ARHGEF38: variants seen among roughly 807,000 people sequenced by gnomAD.
ARHGEF38 encodes the protein Rho guanine nucleotide exchange factor 38, also known as Rho guanine nucleotide exchange factor (GEF) 38.
A neutral mutation model predicts 79.9 loss-of-function variants in ARHGEF38; 79 were observed. That is an observed-to-expected ratio of 0.99 (90% confidence interval 0.82 to 1.19). The LOEUF (loss-of-function observed/expected upper bound fraction) is 1.19, where lower values mean the gene tolerates loss of function less well. Among genes scored for constraint, ARHGEF38 ranks in the 50% most tolerant of loss-of-function variants. The pLI, the probability that ARHGEF38 is intolerant of heterozygous loss-of-function variation, is 0.00. For synonymous variants in ARHGEF38, 366 were observed against 328.3 expected (o/e 1.11, Z -1.24); for missense variants, 962 against 907.2 (o/e 1.06, Z -0.78).
intron 1 of ARHGEF38, among the ~76,000 whole-genome samples, chr4:105,571,076 A>G (rs1207974883): frequency 6.6e-6 from 1 of 152,168 alleles, no homozygotes; most frequent in Non-Finnish European, 1.5e-5. Flanking sequence ...GAAAGATGAA[A>G]ACATTCTGGA....
intron 7 of ARHGEF38, among the ~76,000 whole-genome samples, chr4:105,653,203 A>G (rs550481538): frequency 6.6e-6 from 1 of 151,590 alleles, no homozygotes; most frequent in African/African-American, 2.4e-5. Flanking sequence ...TAAGATGACA[A>G]AAAAAACTGA....
chr4:105,567,599 G>T (rs963871812), intron 1 of ARHGEF38, among the ~76,000 whole-genome samples: 7 of 152,106 alleles, frequency 4.6e-5, no homozygotes, highest in Admixed American at 1.3e-4. Flanking sequence ...ATTTAAGGGA[G>T]ATAATGGAAA....
chr4:105,653,753 T>C lies in ARHGEF38; in HGVS notation c.1009-312T>C, dbSNP rs144480098. On this transcript the variant is annotated intron_variant, in intron 7 of 13. Transcript: ENST00000420470. ...AAAAATGTAATATGGTTTGCGTACA[T>C]ACATAATATATGCCATTAAAAACTA... 2.4e-3 allele frequency among the ~76,000 whole-genome samples: 362 copies of C among 152,358 alleles called. 2 individuals carry two copies. Among genetic ancestry groups the C allele is most frequent in the African/African-American group, 8.4e-3 (351 of 41,580 alleles).
At chr4:105,599,134 T>G (rs1043830573) in intron 2 of ARHGEF38, among the ~76,000 whole-genome samples, 1 of 152,188 alleles carries the variant, frequency 6.6e-6, no homozygotes, top group Non-Finnish European at 1.5e-5. Flanking sequence ...AATTTTCTTT[T>G]TATGGGAAGG....
intron 2 of ARHGEF38, among the ~76,000 whole-genome samples, chr4:105,592,818 A>G (rs1302064999): frequency 1.3e-5 from 2 of 152,138 alleles, no homozygotes; most frequent in Non-Finnish European, 2.9e-5. Context: ...CCAACACCAA[A>G]TCTACCAACT....
intron 1 of ARHGEF38, among the ~76,000 whole-genome samples, chr4:105,588,496 T>G (rs1047538397): frequency 6.6e-6 from 1 of 152,238 alleles, no homozygotes; most frequent in Admixed American, 6.5e-5. Context: ...TCTGGGGAGC[T>G]CGTCCTTGAA....
At chr4:105,585,726 C>CTTTTTTTCTTT (rs1727004367) in intron 1 of ARHGEF38, among the ~76,000 whole-genome samples, 1 of 71,504 alleles carries the variant, frequency 1.4e-5, no homozygotes, top group Non-Finnish European at 2.4e-5. Flanking sequence ...CCCTCCGTTG[C>CTTTTTTTCTTT]TTTTTTTTTT....
rs1731230654 is a variant in ARHGEF38, at chr4:105,679,394, A to G, written c.*1457A>G. On this transcript the variant is annotated 3_prime_UTR_variant, in exon 14 of 14. Coordinates refer to ENST00000420470, the MANE Select transcript of ARHGEF38 (RefSeq NM_001242729.2). Reference sequence around the variant, plus strand: ...ACACTCTGGTAATCTGAGACACTGCATTACTATTCAGCTTTCTAAGTTCTT... The same window carrying G: ...ACACTCTGGTAATCTGAGACACTGCGTTACTATTCAGCTTTCTAAGTTCTT... The G allele has an allele frequency of 7.1e-7, 1 of 1,415,642 alleles. No homozygotes were observed. The highest frequency in any genetic ancestry group is 1.4e-5 in the African/African-American group (1 of 70,878). 87.7% of individuals were successfully genotyped at this position (1,415,642 alleles called of 1,614,324 possible). A position where few individuals can be genotyped will look rare whatever the true frequency, so the allele number is the denominator to read the frequency against.
chr4:105,663,607 T>C (rs1356458754), intron 10 of ARHGEF38, among the ~76,000 whole-genome samples: 1 of 152,238 alleles, frequency 6.6e-6, no homozygotes, highest in African/African-American at 2.4e-5. Context: ...GTCCTCAAGA[T>C]TCATTCGTGT....
Position 105,644,949 on chromosome 4 carries a change from G to A in ARHGEF38, c.675-239G>A, listed in dbSNP as rs569242250. 7.2e-5 allele frequency among the ~76,000 whole-genome samples: 11 copies of A among 152,236 alleles called. No homozygotes were observed. The South Asian group carries it at 2.3e-3, about 32-fold the overall frequency. On this transcript the variant is annotated intron_variant, in intron 5 of 13. Coordinates refer to ENST00000420470, the MANE Select transcript of ARHGEF38 (RefSeq NM_001242729.2). Reference sequence around the variant, plus strand: ...TACATGGCATATGGATGAAAATCATGCTTTGAGACAATTTGATGGAAAGTT... The same window carrying A: ...TACATGGCATATGGATGAAAATCATACTTTGAGACAATTTGATGGAAAGTT...
intron 4 of ARHGEF38, chr4:105,631,517 G>A (rs930912094): frequency 2.0e-6 from 2 of 985,440 alleles, no homozygotes; most frequent in African/African-American, 3.5e-5. Flanking sequence ...CCTTGTTAAA[G>A]TTAGTTTCAG....
intron 1 of ARHGEF38, among the ~76,000 whole-genome samples, chr4:105,573,850 C>A (rs937172268): frequency 6.6e-6 from 1 of 151,972 alleles, no homozygotes; most frequent in African/African-American, 2.4e-5. Context: ...TCTTTCCGTC[C>A]ATGAACATAT....
At position 105,648,691 on chromosome 4, in the gene ARHGEF38, T is replaced by C. The variant is rs956558547; in HGVS notation, c.1008+9T>C. On this transcript the variant is annotated intron_variant, in intron 7 of 13. Transcript: ENST00000420470. The stretch of plus-strand genomic sequence containing the variant: ...CCAGAGGAGAATCACAGGTAATTTT[T>C]CTTCTTGGACCACCCACCTTTTCCC... The C allele has an allele frequency of 4.3e-5, 64 of 1,503,306 alleles. No individual in the cohort carries two copies. The highest frequency in any genetic ancestry group is 5.0e-5 in the Non-Finnish European group (57 of 1,135,172). The allele number at this position is 1,503,306 out of a possible 1,614,324, so 93.1% of individuals were successfully genotyped here. A position where few individuals can be genotyped will look rare whatever the true frequency, so the allele number is the denominator to read the frequency against.
intron 3 of ARHGEF38, among the ~76,000 whole-genome samples, chr4:105,629,069 TTCTCC>T (rs1156874364): frequency 1.3e-5 from 2 of 152,230 alleles, no homozygotes; most frequent in South Asian, 2.1e-4. Flanking sequence ...AAAAAAATCA[TTCTCC>T]GATTGTATAA....
chr4:105,608,050 A>G (rs1488180124), intron 2 of ARHGEF38, among the ~76,000 whole-genome samples: 1 of 152,150 alleles, frequency 6.6e-6, no homozygotes, highest in Non-Finnish European at 1.5e-5. Context: ...GTCCCAGATC[A>G]AGATGCCAGC....
intron 10 of ARHGEF38, among the ~76,000 whole-genome samples, chr4:105,665,971 C>A (rs1195040800): frequency 6.6e-6 from 1 of 151,812 alleles, no homozygotes; most frequent in East Asian, 1.9e-4. Context: ...TGGCTTGAAA[C>A]TTAAAAAAAA....
intron 7 of ARHGEF38, among the ~76,000 whole-genome samples, chr4:105,649,726 G>A (rs919009214): frequency 5.9e-5 from 9 of 152,068 alleles, no homozygotes; most frequent in African/African-American, 9.7e-5. Context: ...TTCTCCTTCC[G>A]TTAAGTCTTT....
In ARHGEF38 at chr4:105,623,868, C is replaced by T. The variant is rs148498233; in HGVS notation, c.509-7030C>T. On this transcript the variant is annotated intron_variant, in intron 3 of 13. Coordinates refer to ENST00000420470, the MANE Select transcript of ARHGEF38 (RefSeq NM_001242729.2). The stretch of plus-strand genomic sequence containing the variant: ...CCTCTCCACAGCCCACTAGCACCCC[C>T]CAGTTTGTCCTGCTCAGCTGCTAGC... Among the ~76,000 whole-genome samples the T allele has an allele frequency of 6.2e-3, 943 of 152,296 alleles. 9 individuals carry two copies. Among genetic ancestry groups the T allele is most frequent in the African/African-American group, 0.022 (907 of 41,560 alleles).
intron 4 of ARHGEF38, chr4:105,631,719 A>G: frequency 1.1e-6 from 1 of 911,204 alleles, no homozygotes; most frequent in Non-Finnish European, 1.3e-6. Context: ...TTTTCTTCTG[A>G]TATTATTTAT....
Sources: allele counts gnomAD v4.1 joint callset (sites outside exome capture counted in the v4.1 genomes callset), GRCh38; gene constraint gnomAD v4.1.1; transcripts MANE v1.5; gene names NCBI Gene and HGNC (gene_info 2026-07-23, HGNC 2026-07-21).